CYRIB: variants seen among roughly 807,000 people sequenced by gnomAD.
CYRIB encodes the protein CYFIP-related Rac1 interactor B.
Under a neutral mutation model 44.2 loss-of-function variants are expected in CYRIB, and 8 were observed. That is an observed-to-expected ratio of 0.18 (90% CI 0.11 to 0.33). The LOEUF (loss-of-function observed/expected upper bound fraction) is 0.33, where lower values mean the gene tolerates loss of function less well. Ranked by LOEUF, CYRIB falls within the 10% of genes least tolerant of loss-of-function variation. CYRIB has a pLI of 1.00. For synonymous variants in CYRIB, 131 were observed against 127.2 expected, an observed-to-expected ratio of 1.03 and a Z score of -0.20; for missense variants, 185 against 382.8, an observed-to-expected ratio of 0.48 and a Z score of 4.31.
chr8:129,866,028 T>C (rs772920826), intron 4 of CYRIB, among the ~76,000 whole-genome samples: 3 of 152,202 alleles, frequency 2.0e-5, no homozygotes, highest in Admixed American at 6.5e-5. Flanking sequence ...AATAAAAACA[T>C]CTTGAGCCAA....
chr8:129,882,177 GA>G (rs1270597216), intron 2 of CYRIB, among the ~76,000 whole-genome samples: 1 of 152,144 alleles, frequency 6.6e-6, no homozygotes, highest in African/African-American at 2.4e-5. Flanking sequence ...TTTTCAGTAG[GA>G]AAAAGGCAGC....
intron 1 of CYRIB, among the ~76,000 whole-genome samples, chr8:130,011,736 G>A (rs2097222294): frequency 6.6e-6 from 1 of 152,044 alleles, no homozygotes; most frequent in East Asian, 1.9e-4. Context: ...GGGAGGCTGA[G>A]GCAGAAGAAT....
At chr8:129,884,586 C>A (rs543096214) in intron 2 of CYRIB, among the ~76,000 whole-genome samples, 3 of 152,190 alleles carry the variant, frequency 2.0e-5, no homozygotes, top group East Asian at 1.9e-4. Context: ...CCAGGCCCGG[C>A]CGGATTTAAG....
At chr8:129,923,328 G>A (rs1218060243) in intron 1 of CYRIB, among the ~76,000 whole-genome samples, 3 of 151,312 alleles carry the variant, frequency 2.0e-5, no homozygotes, top group African/African-American at 7.3e-5. Flanking sequence ...AGGCTGGAGT[G>A]CAATGGTACA....
chr8:129,965,921 G>A (rs983934016), intron 2 of CYRIB, among the ~76,000 whole-genome samples: 17 of 151,834 alleles, frequency 1.1e-4, no homozygotes, highest in Admixed American at 3.9e-4. Flanking sequence ...GTGCAGTCTC[G>A]GCTCACTGCA....
chr8:129,886,671 T>C (rs772859479), intron 2 of CYRIB, among the ~76,000 whole-genome samples: 4 of 152,106 alleles, frequency 2.6e-5, no homozygotes, highest in Non-Finnish European at 4.4e-5. Context: ...TCAGGTAACT[T>C]CCACGTTGCT....
chr8:129,983,676 C>A (rs2096339004), intron 1 of CYRIB, among the ~76,000 whole-genome samples: 1 of 152,166 alleles, frequency 6.6e-6, no homozygotes, highest in East Asian at 1.9e-4. Context: ...GACCAGGCAG[C>A]GCTCACGTGC....
intron 1 of CYRIB, among the ~76,000 whole-genome samples, chr8:129,937,683 G>GCCTC (rs941858160): frequency 3.3e-5 from 5 of 151,998 alleles, no homozygotes; most frequent in African/African-American, 1.2e-4. Flanking sequence ...TACTAACCAC[G>GCCTC]CCTCCCTCTG....
At chr8:129,967,911 T>G (rs2095549766) in intron 2 of CYRIB, among the ~76,000 whole-genome samples, 1 of 152,208 alleles carries the variant, frequency 6.6e-6, no homozygotes, top group Non-Finnish European at 1.5e-5. Context: ...CCATTGATAC[T>G]TCTTCACCAT....
chr8:130,014,582 C>T lies in CYRIB; in HGVS notation c.-296+1788G>A, dbSNP rs1472188733. ...AGCTAAGGATCCTAAGAGAGGCACA[C>T]AGAAGACTTTGGGAGCTGAGAAAGG... On this transcript the variant is annotated intron_variant, in intron 1 of 14. Coordinates refer to the CYRIB transcript ENST00000401979. Among the ~76,000 whole-genome samples the T allele has an allele frequency of 1.3e-5, 2 of 152,162 alleles. 1 individual carries two copies. Among genetic ancestry groups the T allele is most frequent in the Admixed American group, 1.3e-4 (2 of 15,282 alleles).
chr8:129,920,329 C>G (rs906658549), intron 1 of CYRIB, among the ~76,000 whole-genome samples: 1 of 152,056 alleles, frequency 6.6e-6, no homozygotes, highest in Non-Finnish European at 1.5e-5. Context: ...ACAGACAAGA[C>G]ATCAATACAC....
intron 2 of CYRIB, among the ~76,000 whole-genome samples, chr8:129,954,975 C>T (rs538118484): frequency 4.6e-5 from 7 of 152,218 alleles, no homozygotes; most frequent in South Asian, 2.1e-4. Flanking sequence ...GTGCTGTGGC[C>T]GGACGCGGTG....
At position 129,989,343 on chromosome 8, in the gene CYRIB, A is replaced by G. The variant is rs149676627; in HGVS notation, c.-295-18348T>C. On this transcript the variant is annotated intron_variant, in intron 1 of 14. Coordinates refer to the CYRIB transcript ENST00000401979. ...ACAGATGGCAGCTGCCCACTGAGCA[A>G]TGAAAGGCGGTCTCTACTTCCCAAA... is the stretch of plus-strand genomic sequence containing the variant. Among the ~76,000 whole-genome samples the G allele has an allele frequency of 8.1e-3, 1,232 of 152,318 alleles. 21 individuals are homozygous for G. Among genetic ancestry groups the G allele is most frequent in the African/African-American group, 0.028 (1,157 of 41,566 alleles).
intron 1 of CYRIB, among the ~76,000 whole-genome samples, chr8:129,988,543 G>A (rs747428369): frequency 1.3e-5 from 2 of 152,168 alleles, no homozygotes; most frequent in Admixed American, 1.3e-4. Flanking sequence ...TATACCATAA[G>A]CTCTCTGAGG....
intron 1 of CYRIB, among the ~76,000 whole-genome samples, chr8:129,924,220 G>C (rs2085794703): frequency 7.5e-6 from 1 of 133,130 alleles, no homozygotes; most frequent in Non-Finnish European, 1.5e-5. Context: ...ACTGCAGTGA[G>C]CTATGATCAT....
intron 2 of CYRIB, among the ~76,000 whole-genome samples, chr8:129,965,920 C>T (rs1327057089): frequency 6.6e-6 from 1 of 152,024 alleles, no homozygotes; most frequent in African/African-American, 2.4e-5. Flanking sequence ...GGTGCAGTCT[C>T]GGCTCACTGC....
At chr8:129,892,267 C>T (rs1055594361) in intron 2 of CYRIB, among the ~76,000 whole-genome samples, 1 of 152,164 alleles carries the variant, frequency 6.6e-6, no homozygotes, top group African/African-American at 2.4e-5. Context: ...TGCAAAACAA[C>T]TCAAAATGAC....
intron 1 of CYRIB, among the ~76,000 whole-genome samples, chr8:130,001,481 C>CGTCA (rs549412199): frequency 1.2e-3 from 184 of 151,076 alleles, no homozygotes; most frequent in African/African-American, 4.3e-3. Context: ...GGCAACTGTT[C>CGTCA]GTCAGTGGCT....
At chr8:129,857,914 C>G (rs1175314998) in intron 5 of CYRIB, among the ~76,000 whole-genome samples, 1 of 152,336 alleles carries the variant, frequency 6.6e-6, no homozygotes, top group South Asian at 2.1e-4. Context: ...TTTCAGCATT[C>G]CAAGTTCTCT....
Sources: allele counts gnomAD v4.1 joint callset (sites outside exome capture counted in the v4.1 genomes callset), GRCh38; gene constraint gnomAD v4.1.1; transcripts MANE v1.5; gene names NCBI Gene and HGNC (gene_info 2026-07-23, HGNC 2026-07-21).